Variants in ACSM2B observed in about 807,000 individuals in gnomAD.
The protein encoded by ACSM2B is acyl-CoA synthetase medium chain family member 2B, also known as acyl-coenzyme A synthetase ACSM2B, mitochondrial.
A neutral mutation model predicts 78.6 loss-of-function variants in ACSM2B; 58 were observed. The ratio of observed to expected loss-of-function variants is 0.74; its 90% CI spans 0.60 to 0.92. The LOEUF is 0.92. Ranked by LOEUF, ACSM2B falls within the 40% of genes least tolerant of loss-of-function variation. ACSM2B has a pLI of 0.00. For missense variants in ACSM2B, 688 were observed against 711.2 expected (o/e 0.97, Z 0.37); for synonymous variants, 257 against 256.8 (o/e 1.00, Z -0.01).
chr16:20,567,485 A>T (rs1375340034), intron 1 of ACSM2B, among the ~76,000 whole-genome samples: 1 of 121,636 alleles, frequency 8.2e-6, no homozygotes, highest in Non-Finnish European at 1.6e-5. Flanking sequence ...ATAACAGTAT[A>T]TATAAATAAT....
intron 12 of ACSM2B, 179 bp from the exon 13 acceptor site, chr16:20,540,952 G>A: frequency 1.0e-6 from 1 of 955,440 alleles, no homozygotes; most frequent in Non-Finnish European, 1.5e-6. Context: ...AGCTCTCTCT[G>A]AAGTCGTTTA....
At chr16:20,566,821 T>G (rs2015907649) in intron 1 of ACSM2B, among the ~76,000 whole-genome samples, 1 of 115,228 alleles carries the variant, frequency 8.7e-6, no homozygotes, top group Admixed American at 1.2e-4. Context: ...TATACATTTT[T>G]ATATCTTTTA....
chr16:20,563,454 G>A (rs1425518251), intron 2 of ACSM2B, among the ~76,000 whole-genome samples: 3 of 152,050 alleles, frequency 2.0e-5, no homozygotes, highest in Non-Finnish European at 4.4e-5. Flanking sequence ...TGCTAATGGT[G>A]TTATTTGTGA....
chr16:20,544,661 A>T, intron 10 of ACSM2B: 1 of 984,888 alleles, frequency 1.0e-6, no homozygotes, highest in Non-Finnish European at 1.2e-6. Context: ...TGGCTCCACC[A>T]TCCTCACCTG....
At chr16:20,562,045 T>C (rs1436325030) in intron 2 of ACSM2B, among the ~76,000 whole-genome samples, 2 of 151,948 alleles carry the variant, frequency 1.3e-5, no homozygotes, top group Non-Finnish European at 2.9e-5. Context: ...TTTGGGCTGT[T>C]TGACCTTCCA....
chr16:20,575,228 G>C (rs923731670), intron 1 of ACSM2B, among the ~76,000 whole-genome samples: 1 of 151,414 alleles, frequency 6.6e-6, no homozygotes, highest in Non-Finnish European at 1.5e-5. Flanking sequence ...ACCAAAATCT[G>C]TATTAGTCAG....
chr16:20,570,265 A>G (rs948416907), intron 1 of ACSM2B, among the ~76,000 whole-genome samples: 2 of 151,864 alleles, frequency 1.3e-5, no homozygotes, highest in Non-Finnish European at 2.9e-5. Context: ...GGTTTTAATC[A>G]TAAGAGGATG....
intron 1 of ACSM2B, chr16:20,575,664 G>GC (rs1285544079): frequency 6.7e-6 from 1 of 148,994 alleles, no homozygotes; most frequent in East Asian, 2.2e-4. Flanking sequence ...GCCTCTCCCA[G>GC]CCCACCGACT....
At chr16:20,540,353 A>G (rs1287843182) in intron 13 of ACSM2B, among the ~76,000 whole-genome samples, 1 of 150,978 alleles carries the variant, frequency 6.6e-6, no homozygotes, top group East Asian at 2.0e-4. Flanking sequence ...AGCGATTCTC[A>G]TGCCTCAGCC....
At chr16:20,548,820 C>T (rs560814208) in intron 6 of ACSM2B, among the ~76,000 whole-genome samples, 1 of 152,266 alleles carries the variant, frequency 6.6e-6, no homozygotes, top group African/African-American at 2.4e-5. Context: ...AGATCAGCTG[C>T]CTGAGTACAG....
chr16:20,560,328 T>C (rs978709418), intron 2 of ACSM2B, among the ~76,000 whole-genome samples: 4 of 151,916 alleles, frequency 2.6e-5, no homozygotes, highest in African/African-American at 9.7e-5. Context: ...TAGGAGGTGA[T>C]TGGATCATGG....
intron 8 of ACSM2B, 80 bp from the exon 9 acceptor site, chr16:20,546,554 G>C: frequency 6.4e-7 from 1 of 1,558,258 alleles, no homozygotes; most frequent in East Asian, 2.3e-5. Flanking sequence ...TCTGCAGAGC[G>C]GGTCCTGACA....
intron 13 of ACSM2B, 127 bp downstream of exon 13, chr16:20,540,527 G>A (rs759859379): frequency 6.8e-7 from 1 of 1,475,652 alleles, no homozygotes; most frequent in Non-Finnish European, 9.1e-7. Flanking sequence ...GCAGGTGTCA[G>A]CCACCATGTC....
At chr16:20,554,778 A>G (rs2015417762) in intron 4 of ACSM2B, among the ~76,000 whole-genome samples, 1 of 152,250 alleles carries the variant, frequency 6.6e-6, no homozygotes, top group African/African-American at 2.4e-5. Flanking sequence ...GATTTGAGTC[A>G]TAGTTCCAGT....
chr16:20,548,978 C>T (rs2015225927), intron 6 of ACSM2B, among the ~76,000 whole-genome samples: 1 of 152,150 alleles, frequency 6.6e-6, no homozygotes, highest in Non-Finnish European at 1.5e-5. Flanking sequence ...CATTTCAAAA[C>T]AAGTGCTACA....
At position 20,573,724 on chromosome 16, in the gene ACSM2B, T is replaced by C. The variant is rs1272182613; in HGVS notation, c.-9+2483A>G. Among the ~76,000 whole-genome samples the C allele has an allele frequency of 2.5e-4, 38 of 151,158 alleles. No homozygotes were observed. In the East Asian group the frequency reaches 7.5e-3, roughly 30 times the overall value. ...TTTTACAGCTGGGCCTCTGGGGCTG[T>C]CATCACATAGTGGTAGGACTATGAT... On this transcript the variant is annotated intron_variant, in intron 1 of 13. Coordinates refer to ENST00000329697, the MANE Select transcript of ACSM2B (RefSeq NM_001105069.2).
At chr16:20,563,594 A>T (rs2015733053) in intron 2 of ACSM2B, among the ~76,000 whole-genome samples, 1 of 139,532 alleles carries the variant, frequency 7.2e-6, no homozygotes, top group African/African-American at 3.4e-5. Flanking sequence ...TATAACTTTA[A>T]AAAAATCCAG....
At chr16:20,550,868 G>C (rs1043848961) in intron 6 of ACSM2B, among the ~76,000 whole-genome samples, 12 of 152,172 alleles carry the variant, frequency 7.9e-5, no homozygotes, top group African/African-American at 2.6e-4. Context: ...GTACCATCAA[G>C]TTCTATAGGA....
At position 20,559,428 on chromosome 16, in the gene ACSM2B, C is replaced by G. The variant is rs924836372; in HGVS notation, c.197G>C (p.Ser66Thr). The G allele has an allele frequency of 1.2e-6, 2 of 1,612,892 alleles. No homozygotes were observed. Among genetic ancestry groups the G allele is most frequent in the African/African-American group, 2.7e-5 (2 of 74,740 alleles). Residue 66 changes from serine to threonine, a missense_variant, in exon 3 of 14, where the codon AGC becomes ACC. Ser to Thr is a moderately conservative substitution (Grantham distance 58). Transcript: ENST00000329697. ...CCCATTCACCCACCACAGGGCTGGGCTTGGGAGTCGCTTGCCAGCCTGAGG... is the reference window on the plus strand; with the variant it reads ...CCCATTCACCCACCACAGGGCTGGGGTTGGGAGTCGCTTGCCAGCCTGAGG... ...DMEKAGKRLP[S>T]PALWWVNGKG...
Sources: allele counts gnomAD v4.1 joint callset (sites outside exome capture counted in the v4.1 genomes callset), GRCh38; gene constraint gnomAD v4.1.1; transcripts MANE v1.5; gene names NCBI Gene and HGNC (gene_info 2026-07-23, HGNC 2026-07-21).